Variants in GRK5 observed in about 807,000 individuals in gnomAD.
The protein encoded by GRK5 is G protein-coupled receptor kinase 5.
GRK5 carries 40 observed loss-of-function variants against 78.4 expected under a neutral mutation model. The ratio of observed to expected loss-of-function variants is 0.51; its 90% CI spans 0.40 to 0.66. GRK5 has a LOEUF of 0.66. Among genes scored for constraint, GRK5 ranks in the 30% least tolerant of loss-of-function variants. The probability of loss-of-function intolerance (pLI) is 0.00; values close to 1 mark genes in which losing one functional copy is unlikely to be tolerated. For missense variants in GRK5, 598 were observed against 759.9 expected, an observed-to-expected ratio of 0.79 and a Z score of 2.50; for synonymous variants, 289 against 296.8, an observed-to-expected ratio of 0.97 and a Z score of 0.27.
rs373525505 is a variant in GRK5, at chr10:119,326,496, C to G, written c.53-20C>G. 1.2e-6 allele frequency: 2 copies of G among 1,605,868 alleles called. No homozygotes were observed. Among genetic ancestry groups the G allele is most frequent in the South Asian group, 2.2e-5 (2 of 90,920 alleles). ...AGGCTCTGGAGCCTCAGCCAGGCAT[C>G]TTTTTCCCCATCTCTGCAGGGGGCG... On this transcript the variant is annotated intron_variant, in intron 1 of 15. Coordinates refer to ENST00000392870, the MANE Select transcript of GRK5 (RefSeq NM_005308.3).
intron 13 of GRK5, among the ~76,000 whole-genome samples, chr10:119,448,756 T>G (rs1378161401): frequency 6.6e-6 from 1 of 152,150 alleles, no homozygotes; most frequent in African/African-American, 2.4e-5. Flanking sequence ...CAGCTCACAT[T>G]GCAGGGAGTT....
At chr10:119,331,755 A>G (rs1850783816) in intron 2 of GRK5, among the ~76,000 whole-genome samples, 1 of 152,238 alleles carries the variant, frequency 6.6e-6, no homozygotes. Context: ...TGCCCTGGAC[A>G]GTCATAGACC....
At chr10:119,281,355 A>C (rs1267571529) in intron 1 of GRK5, among the ~76,000 whole-genome samples, 1 of 152,002 alleles carries the variant, frequency 6.6e-6, no homozygotes, top group Non-Finnish European at 1.5e-5. Flanking sequence ...GGACCCCCCT[A>C]ACCCTACTTT....
chr10:119,404,978 A>G (rs1852209564), intron 4 of GRK5, among the ~76,000 whole-genome samples: 2 of 152,222 alleles, frequency 1.3e-5, no homozygotes, highest in Admixed American at 6.5e-5. Context: ...TGGCAGTGTT[A>G]CTTGTAGGAC....
intron 1 of GRK5, among the ~76,000 whole-genome samples, chr10:119,225,975 T>A (rs890349259): frequency 2.0e-5 from 3 of 151,754 alleles, no homozygotes; most frequent in Non-Finnish European, 4.4e-5. Flanking sequence ...CAGCCTCCCG[T>A]GTAGCTGGGA....
chr10:119,291,498 T>C (rs951282757), intron 1 of GRK5, among the ~76,000 whole-genome samples: 2 of 144,652 alleles, frequency 1.4e-5, no homozygotes, highest in African/African-American at 2.6e-5. Flanking sequence ...AGGAAGGAAC[T>C]GCTGCTGCTG....
chr10:119,244,207 C>G (rs7904099), intron 1 of GRK5, among the ~76,000 whole-genome samples: 129,311 of 152,324 alleles, frequency 0.85, 55,919 homozygotes, highest in East Asian at 0.94. Context: ...AGGTGTTGGG[C>G]CAGATTTGGC....
chr10:119,267,047 A>C lies in GRK5; in HGVS notation c.52+59078A>C, dbSNP rs2133666145. 6.6e-6 allele frequency among the ~76,000 whole-genome samples: 1 copy of C among 152,204 alleles called. No individual in the cohort carries two copies. Among genetic ancestry groups the C allele is most frequent in the East Asian group, 1.9e-4 (1 of 5,170 alleles). ...TCACCTGAGGTCGGGAGTTCTAACC[A>C]GCCTGACCAACATGGAGAAACCCCA... On this transcript the variant is annotated intron_variant, in intron 1 of 15. Transcript: ENST00000392870. This position sits in a 1 kb window ranked among gnomAD's most constrained non-coding sequence, Gnocchi z 4.1.
chr10:119,394,118 GT>G (rs1554916173), intron 3 of GRK5, among the ~76,000 whole-genome samples: 1,760 of 11,716 alleles, frequency 0.15, 26 homozygotes, highest in African/African-American at 0.24. Flanking sequence ...TGTGGGGGGT[GT>G]GTGTGTGTGT....
chr10:119,347,726 C>T (rs1406808704), intron 2 of GRK5, among the ~76,000 whole-genome samples: 1 of 152,282 alleles, frequency 6.6e-6, no homozygotes, highest in African/African-American at 2.4e-5. Flanking sequence ...GGCCCCCGCA[C>T]ATCGTGCATG....
At chr10:119,403,835 A>C (rs1852190808) in intron 4 of GRK5, among the ~76,000 whole-genome samples, 1 of 152,044 alleles carries the variant, frequency 6.6e-6, no homozygotes, top group South Asian at 2.1e-4. Flanking sequence ...GGTTTTCGCC[A>C]CTTTGGCCAG....
chr10:119,365,946 A>C (rs1283841189), intron 2 of GRK5, among the ~76,000 whole-genome samples: 1 of 152,234 alleles, frequency 6.6e-6, no homozygotes, highest in Admixed American at 6.5e-5. Flanking sequence ...GAATTCATTC[A>C]TTCATTCACT....
chr10:119,411,999 C>T (rs1852356344), intron 4 of GRK5, among the ~76,000 whole-genome samples: 1 of 152,006 alleles, frequency 6.6e-6, no homozygotes, highest in African/African-American at 2.4e-5. Flanking sequence ...TATAGGCATA[C>T]ACCACCACGC....
chr10:119,371,239 G>A (rs1041990972), intron 2 of GRK5, among the ~76,000 whole-genome samples: 4 of 152,106 alleles, frequency 2.6e-5, no homozygotes, highest in Non-Finnish European at 5.9e-5. Context: ...AGGGATGGCC[G>A]CCCACTCTCC....
Position 119,405,717 on chromosome 10 carries a change from G to C in GRK5, c.339+8945G>C, listed in dbSNP as rs540898987. On this transcript the variant is annotated intron_variant, in intron 4 of 15. Coordinates refer to ENST00000392870, the MANE Select transcript of GRK5 (RefSeq NM_005308.3). ...CACTTTCCAGCTCTGCATCCTTGGA[G>C]CCTCAGTTTCCCCAACTGAGTATGG... Among the ~76,000 whole-genome samples the C allele has an allele frequency of 3.3e-5, 5 of 152,244 alleles. No homozygotes were observed. In the South Asian group the frequency reaches 1.0e-3, roughly 32 times the overall value.
Position 119,241,650 on chromosome 10 carries a change from A to G in GRK5, c.52+33681A>G, listed in dbSNP as rs535080178. On this transcript the variant is annotated intron_variant, in intron 1 of 15. Transcript: ENST00000392870. ...CCTTTCACTGTGCCCAGGCCCTGAG[A>G]CAGTCGGGGTGGCTGGGAACATGGT... Among the ~76,000 whole-genome samples, 3 of 152,242 alleles carry G rather than the reference A, an allele frequency of 2.0e-5. No individual in the cohort carries two copies. The South Asian group carries it at 6.2e-4, about 32-fold the overall frequency.
intron 13 of GRK5, 59 bp downstream of exon 13, chr10:119,448,319 C>G: frequency 6.5e-7 from 1 of 1,528,258 alleles, no homozygotes. Flanking sequence ...GGGCTGCCCC[C>G]GAGTGCTGCC....
In GRK5 at chr10:119,240,806, T is replaced by A. The variant is rs1163890193; in HGVS notation, c.52+32837T>A. Among the ~76,000 whole-genome samples the A allele has an allele frequency of 2.6e-5, 4 of 152,108 alleles. No homozygotes were observed. In the East Asian group the frequency reaches 5.9e-4, roughly 22 times the overall value. On this transcript the variant is annotated intron_variant, in intron 1 of 15. Coordinates refer to ENST00000392870, the MANE Select transcript of GRK5 (RefSeq NM_005308.3). ...CACGTATCCCAGTCTAGACTTGAAC[T>A]CCTGAGCTCAAGCAATCTTCCTGCC...
intron 2 of GRK5, among the ~76,000 whole-genome samples, chr10:119,347,861 A>G (rs577105512): frequency 1.4e-4 from 22 of 152,354 alleles, no homozygotes; most frequent in Admixed American, 3.3e-4. Context: ...CTTGGTAGGC[A>G]GAGAAGGGAG....
Sources: allele counts gnomAD v4.1 joint callset (sites outside exome capture counted in the v4.1 genomes callset), GRCh38; gene constraint gnomAD v4.1.1; non-coding constraint Gnocchi (gnomAD v3.1); transcripts MANE v1.5; gene names NCBI Gene and HGNC (gene_info 2026-07-23, HGNC 2026-07-21).